The following POLR1A variants were observed in gnomAD, a reference collection of about 807,000 sequenced individuals.
The protein encoded by POLR1A is RNA polymerase I subunit A.
POLR1A carries 84 observed loss-of-function variants against 205.3 expected under a neutral mutation model. The ratio of observed to expected loss-of-function variants is 0.41; its 90% confidence interval spans 0.34 to 0.49. POLR1A has a LOEUF of 0.49. POLR1A is among the 20% of genes least tolerant of loss of function. POLR1A has a pLI of 0.22. For missense variants in POLR1A, 1,645 were observed against 2,204.5 expected (o/e 0.75, Z 5.08); for synonymous variants, 799 against 863.7 (o/e 0.93, Z 1.31).
intron 12 of POLR1A, among the ~76,000 whole-genome samples, chr2:86,071,235 T>C (rs80177362): frequency 0.018 from 97 of 5,284 alleles, no homozygotes; most frequent in African/African-American, 0.027. Flanking sequence ...TGCATGTGTG[T>C]GTGTGTGTGT....
At chr2:86,073,418 T>C (rs1295677125) in intron 12 of POLR1A, among the ~76,000 whole-genome samples, 1 of 152,154 alleles carries the variant, frequency 6.6e-6, no homozygotes, top group Non-Finnish European at 1.5e-5. Flanking sequence ...ATTTACTATC[T>C]GACCCCAGAG....
In POLR1A at chr2:86,024,095, G is replaced by A. The variant is rs1384229570; in HGVS notation, c.*3328C>T. ...TCACAGCGTTATTTGCAACAGCCAA[G>A]AGGTGGAGGCAACCCAAGTGTCCAC... On this transcript the variant is annotated 3_prime_UTR_variant, in exon 34 of 34. Transcript: ENST00000263857. 3 of 153,794 alleles carry A rather than the reference G, an allele frequency of 2.0e-5. No individual in the cohort carries two copies. Among genetic ancestry groups the A allele is most frequent in the Admixed American group, 6.4e-5 (1 of 15,564 alleles). The allele number at this position is 153,794 out of a possible 1,614,324, so 9.5% of individuals were successfully genotyped here. A position where few individuals can be genotyped will look rare whatever the true frequency, so the allele number is the denominator to read the frequency against.
intron 27 of POLR1A, among the ~76,000 whole-genome samples, chr2:86,035,431 T>C (rs1010312510): frequency 4.6e-5 from 7 of 152,140 alleles, no homozygotes; most frequent in African/African-American, 1.7e-4. Context: ...AGGGCCTTGA[T>C]CTCATCTGCA....
chr2:86,043,332 G>C (rs1046626858), intron 22 of POLR1A, 137 bp from the exon 23 acceptor site: 4 of 683,616 alleles, frequency 5.9e-6, no homozygotes, highest in Non-Finnish European at 7.6e-6. Context: ...ATGGGGCCGA[G>C]CACCACTCTC....
chr2:86,081,501 T>A, intron 8 of POLR1A, 100 bp downstream of exon 8: 1 of 697,232 alleles, frequency 1.4e-6, no homozygotes, highest in Non-Finnish European at 2.5e-6. Context: ...TGCAGCTTTG[T>A]CTCTCAGTGC....
chr2:86,035,805 G>A (rs1286358640), intron 27 of POLR1A, among the ~76,000 whole-genome samples: 29 of 152,210 alleles, frequency 1.9e-4, no homozygotes, highest in Admixed American at 1.9e-3. Context: ...AGCCCTCCCT[G>A]ATTCCCCCAG....
chr2:86,077,277 G>A (rs1009963515), intron 11 of POLR1A, among the ~76,000 whole-genome samples: 1 of 152,202 alleles, frequency 6.6e-6, no homozygotes, highest in African/African-American at 2.4e-5. Context: ...AGAAGACGAA[G>A]CTAGCTCCCG....
At chr2:86,093,723 G>C (rs1052635723) in intron 3 of POLR1A, among the ~76,000 whole-genome samples, 1 of 152,154 alleles carries the variant, frequency 6.6e-6, no homozygotes. Flanking sequence ...CCAGCTACTC[G>C]TGAGGCTGAG....
At chr2:86,032,192 G>A in intron 29 of POLR1A, 80 bp downstream of exon 29, 1 of 965,798 alleles carries the variant, frequency 1.0e-6, no homozygotes, top group Non-Finnish European at 1.7e-6. Context: ...TGTGGCCTGG[G>A]TGCCGGGAGA....
At chr2:86,062,138 G>C (rs1271508350) in intron 14 of POLR1A, among the ~76,000 whole-genome samples, 1 of 152,190 alleles carries the variant, frequency 6.6e-6, no homozygotes, top group Non-Finnish European at 1.5e-5. Flanking sequence ...CTTATCTTCT[G>C]ATTCTAAACA....
Position 86,020,411 on chromosome 2 carries a change from G to T in POLR1A, c.*7012C>A, listed in dbSNP as rs1690107296. The stretch of plus-strand genomic sequence containing the variant: ...AAAAATTAAAAAATTAGCTGGGCAT[G>T]GTGTTGTGTGCCTGTAGTCCCAGTT... On this transcript the variant is annotated 3_prime_UTR_variant, in exon 34 of 34. Coordinates refer to ENST00000263857, the MANE Select transcript of POLR1A (RefSeq NM_015425.6). The T allele has an allele frequency of 6.6e-6, 1 of 152,058 alleles. No homozygotes were observed. Among genetic ancestry groups the T allele is most frequent in the African/African-American group, 2.4e-5 (1 of 41,366 alleles). The allele number at this position is 152,058 out of a possible 1,614,324, so 9.4% of individuals were successfully genotyped here.
At chr2:86,093,553 A>AGT (rs1673646990) in intron 3 of POLR1A, among the ~76,000 whole-genome samples, 1 of 152,118 alleles carries the variant, frequency 6.6e-6, no homozygotes, top group Admixed American at 6.6e-5. Context: ...ACAGGCTGGG[A>AGT]GTGATGGCTC....
Position 86,039,362 on chromosome 2 carries a change from G to A in POLR1A, c.3841C>T (p.Leu1281=). 1 of 1,614,104 alleles carries A rather than the reference G, an allele frequency of 6.2e-7. No homozygotes were observed. Among genetic ancestry groups the A allele is most frequent in the Non-Finnish European group, 8.5e-7 (1 of 1,180,022 alleles). ...CACACCCTGGTGAGTTGCTTCTTCA[G>A]GCTTTTCACTCTCTTCAGGGCTTTC... ...TKKALKRVKS[L]KKQLTRVCLG... is the part of the protein sequence containing the mutation. The change falls in exon 26 of 34, where the codon CTG becomes TTG. Residue 1281 remains leucine, a synonymous_variant. Coordinates refer to ENST00000263857, the MANE Select transcript of POLR1A (RefSeq NM_015425.6).
At chr2:86,036,043 T>G (rs3770091) in intron 27 of POLR1A, among the ~76,000 whole-genome samples, 3,556 of 152,266 alleles carry the variant, frequency 0.023, 87 homozygotes, top group East Asian at 0.097. Context: ...GCAGCTCACC[T>G]GAATGTAGCA....
intron 14 of POLR1A, among the ~76,000 whole-genome samples, chr2:86,057,656 AATGG>A (rs1370026568): frequency 1.3e-5 from 2 of 152,240 alleles, no homozygotes; most frequent in Non-Finnish European, 2.9e-5. Flanking sequence ...CATACTAAAA[AATGG>A]ATGGAACTGG....
intron 3 of POLR1A, among the ~76,000 whole-genome samples, 184 bp downstream of exon 3, chr2:86,098,426 AC>A (rs1257087877): frequency 8.5e-5 from 13 of 152,234 alleles, no homozygotes; most frequent in Admixed American, 8.5e-4. Flanking sequence ...GTTTCTATGA[AC>A]ATTTCTTTTA....
chr2:86,089,797 T>C (rs1273204836), intron 4 of POLR1A, 25 bp downstream of exon 4: 3 of 1,348,502 alleles, frequency 2.2e-6, no homozygotes, highest in Admixed American at 1.7e-5. Flanking sequence ...CAAAACAGCA[T>C]GGGAGAAAGA....
chr2:86,025,297 C>T lies in POLR1A; in HGVS notation c.*2126G>A, dbSNP rs1197782275. On this transcript the variant is annotated 3_prime_UTR_variant, in exon 34 of 34. Coordinates refer to ENST00000263857, the MANE Select transcript of POLR1A (RefSeq NM_015425.6). ...CTACTTTCCAAAACTCAAATGCATC[C>T]TCAATGGGCACTTACAGTCCTAAGA... is the stretch of plus-strand genomic sequence containing the variant. 1 of 152,196 alleles carries T rather than the reference C, an allele frequency of 6.6e-6. No individual in the cohort carries two copies. The highest frequency in any genetic ancestry group is 1.5e-5 in the Non-Finnish European group (1 of 68,040). 9.4% of individuals were successfully genotyped at this position (152,196 alleles called of 1,614,324 possible).
At chr2:86,098,352 A>G (rs1013401395) in intron 3 of POLR1A, among the ~76,000 whole-genome samples, 1 of 152,244 alleles carries the variant, frequency 6.6e-6, no homozygotes, top group African/African-American at 2.4e-5. Context: ...ATAAACCTTG[A>G]TTGAATCCTT....
Sources: gnomAD v4.1 joint callset for allele counts (sites outside exome capture counted in the v4.1 genomes callset) on GRCh38, gnomAD v4.1.1 for gene constraint, MANE v1.5 for transcripts, NCBI Gene and HGNC (gene_info 2026-07-23, HGNC 2026-07-21) for gene names.